The following VPS13C variants were observed in gnomAD, a reference collection of about 807,000 sequenced individuals.
VPS13C encodes the protein vacuolar protein sorting 13 homolog C.
In VPS13C, 358 loss-of-function variants were observed where a neutral mutation model predicts 456.8. The observed-to-expected ratio is 0.78, with a 90% CI of 0.72 to 0.86. The LOEUF (loss-of-function observed/expected upper bound fraction) is 0.86, where lower values mean the gene tolerates loss of function less well. Among genes scored for constraint, VPS13C ranks in the 40% least tolerant of loss-of-function variants. VPS13C has a pLI of 0.00. For missense variants in VPS13C, 4,818 were observed against 4,385.4 expected, an observed-to-expected ratio of 1.10 and a Z score of -2.79; for synonymous variants, 1,578 against 1,486.7, an observed-to-expected ratio of 1.06 and a Z score of -1.41.
chr15:62,041,125 T>C (rs1187563470), intron 3 of VPS13C, among the ~76,000 whole-genome samples, 199 bp downstream of exon 3: 2 of 152,170 alleles, frequency 1.3e-5, no homozygotes, highest in Non-Finnish European at 2.9e-5. Flanking sequence ...TTCCATTTTC[T>C]ACCTTTTGTC....
At chr15:61,875,612 T>C in intron 76 of VPS13C, 120 bp downstream of exon 76, 1 of 695,956 alleles carries the variant, frequency 1.4e-6, no homozygotes, top group Non-Finnish European at 2.4e-6. Context: ...TGATATACTT[T>C]TGTGATTTGA....
chr15:62,050,568 C>T (rs570704898), intron 1 of VPS13C, among the ~76,000 whole-genome samples: 10 of 152,226 alleles, frequency 6.6e-5, no homozygotes, highest in African/African-American at 2.4e-4. Context: ...GAGACCAAGG[C>T]GATTGGATCA....
intron 42 of VPS13C, among the ~76,000 whole-genome samples, chr15:61,948,225 C>T (rs140059936): frequency 6.2e-4 from 95 of 152,088 alleles, no homozygotes; most frequent in African/African-American, 2.0e-3. Flanking sequence ...TTCATTTATT[C>T]AACTGTGTTG....
chr15:62,004,680 A>T (rs2046769922), intron 15 of VPS13C, among the ~76,000 whole-genome samples: 1 of 150,468 alleles, frequency 6.6e-6, no homozygotes, highest in South Asian at 2.1e-4. Flanking sequence ...TTCCCTCTAC[A>T]CACTGCTTTG....
chr15:61,900,954 C>T (rs1043943800), intron 66 of VPS13C, among the ~76,000 whole-genome samples: 120 of 152,144 alleles, frequency 7.9e-4, no homozygotes, highest in African/African-American at 2.5e-3. Flanking sequence ...GAAATAACGC[C>T]GCATTTCTAC....
At chr15:61,885,636 G>A (rs964167190) in intron 67 of VPS13C, among the ~76,000 whole-genome samples, 2 of 152,120 alleles carry the variant, frequency 1.3e-5, no homozygotes, top group African/African-American at 4.8e-5. Flanking sequence ...AAGGTGGACT[G>A]AAATATTTTC....
rs1004650620 is a variant in VPS13C at position 61,936,806 on chromosome 15, A to G, written c.5602-56T>C. The G allele has an allele frequency of 1.6e-4, 232 of 1,479,612 alleles. 1 individual carries two copies. The Admixed American group carries it at 3.8e-3, about 24-fold the overall frequency. The allele number at this position is 1,479,612 out of a possible 1,614,324, so 91.7% of individuals were successfully genotyped here. ...AGTAATAAAAAAAATGTAGACTATC[A>G]TATCTATATCTCGATTTGTGGTTTT... On this transcript the variant is annotated intron_variant, in intron 47 of 84. Coordinates refer to ENST00000644861, the MANE Select transcript of VPS13C (RefSeq NM_020821.3).
intron 6 of VPS13C, among the ~76,000 whole-genome samples, chr15:62,025,915 CATA>C (rs1393817922): frequency 6.6e-6 from 1 of 151,238 alleles, no homozygotes; most frequent in Non-Finnish European, 1.5e-5. Context: ...TAGGCCATTA[CATA>C]ATAACATACA....
chr15:61,954,918 G>C (rs761218745), intron 37 of VPS13C, among the ~76,000 whole-genome samples: 1 of 152,144 alleles, frequency 6.6e-6, no homozygotes, highest in Non-Finnish European at 1.5e-5. Context: ...GACATTACTA[G>C]AAAGGAGCAA....
intron 50 of VPS13C, among the ~76,000 whole-genome samples, chr15:61,930,275 T>C (rs2044011934): frequency 6.6e-6 from 1 of 152,178 alleles, no homozygotes; most frequent in Non-Finnish European, 1.5e-5. Context: ...CGTCCTCCCA[T>C]GAACTGGAAA....
intron 16 of VPS13C, 44 bp downstream of exon 16, chr15:62,000,520 A>T: frequency 6.4e-7 from 1 of 1,559,038 alleles, no homozygotes; most frequent in Non-Finnish European, 8.8e-7. Flanking sequence ...AAAAGCGGGC[A>T]TTAACATGTT....
rs556092617 is a variant in VPS13C at position 61,950,271 on chromosome 15, G to C, written c.4596+87C>G. On this transcript the variant is annotated intron_variant, in intron 41 of 84. Transcript: ENST00000644861. ...TATTGCCACTGTTATTCTCACGTTA[G>C]AACTTACAATCTCACAGTTGAAAAT... is the stretch of plus-strand genomic sequence containing the variant. The C allele has an allele frequency of 1.5e-5, 14 of 951,140 alleles. No individual in the cohort carries two copies. In the East Asian group the frequency reaches 2.5e-4, roughly 17 times the overall value. 58.9% of individuals were successfully genotyped at this position (951,140 alleles called of 1,614,324 possible).
chr15:62,020,314 T>G (rs1009080464), intron 9 of VPS13C, among the ~76,000 whole-genome samples, 165 bp downstream of exon 9: 1 of 152,008 alleles, frequency 6.6e-6, no homozygotes, highest in African/African-American at 2.4e-5. Flanking sequence ...AATGTAATAA[T>G]AGCATCACTA....
chr15:61,959,619 T>C (rs765517492), intron 35 of VPS13C, 24 bp from the exon 36 acceptor site: 2 of 1,605,998 alleles, frequency 1.2e-6, no homozygotes, highest in East Asian at 4.5e-5. Context: ...AAATGTTACA[T>C]AATGCATAGA....
At position 62,012,111 on chromosome 15, in the gene VPS13C, T is replaced by C. The variant is rs1596474434; in HGVS notation, c.879A>G (p.Gln293=). The change falls in exon 12 of 85, where the codon CAA becomes CAG. Residue 293 remains glutamine, a synonymous_variant. Transcript: ENST00000644861. ...LTSGNIPPNY[Q]YIFQPISASA... is the part of the protein sequence containing the mutation. The stretch of plus-strand genomic sequence containing the variant: ...TAAACTTTTACTATTACTTACTGTA[T>C]TGATAATTTGGGGGTATATTTCCAC... The C allele has an allele frequency of 4.6e-6, 7 of 1,507,490 alleles. No homozygotes were observed. The East Asian group carries it at 1.4e-4, about 29-fold the overall frequency. The allele number at this position is 1,507,490 out of a possible 1,614,324, so 93.4% of individuals were successfully genotyped here. A position where few individuals can be genotyped will look rare whatever the true frequency, so the allele number is the denominator to read the frequency against.
At chr15:61,860,475 C>A (rs188833961) in intron 82 of VPS13C, among the ~76,000 whole-genome samples, 1 of 151,860 alleles carries the variant, frequency 6.6e-6, no homozygotes, top group East Asian at 1.9e-4. Flanking sequence ...ATTAGCAATC[C>A]CCCTTTTAAA....
Position 61,954,426 on chromosome 15 carries a change from T to C in VPS13C, c.4294A>G (p.Lys1432Glu). ...IINMLLNFEIKEVVVTLMKKS... is the reference protein window; with the variant it reads ...IINMLLNFEIEEVVVTLMKKS... ...AACAGATGAAAATTACACACCTCTT[T>C]AATTTCAAAATTCAGCAGCATATTA... The change falls in exon 38 of 85, where the codon AAA (lysine) becomes GAA (glutamate). Residue 1432 changes from lysine to glutamate, a missense_variant. Lys to Glu is a moderately conservative substitution (Grantham distance 56, BLOSUM62 1). Around this residue, in one of 3 missense-constraint regions of VPS13C, gnomAD observed 4,552 missense variants for 4,130.6 expected, o/e 1.10. Transcript: ENST00000644861. The C allele has an allele frequency of 6.2e-7, 1 of 1,604,006 alleles. No homozygotes were observed.
chr15:62,008,912 A>T (rs2046946942), intron 13 of VPS13C, 151 bp from the exon 14 acceptor site: 3 of 403,556 alleles, frequency 7.4e-6, no homozygotes, highest in Admixed American at 8.3e-5. Flanking sequence ...ATCAAATTTA[A>T]GATGCTATCA....
intron 28 of VPS13C, among the ~76,000 whole-genome samples, chr15:61,967,880 G>T (rs563656675): frequency 6.6e-6 from 1 of 151,960 alleles, no homozygotes; most frequent in African/African-American, 2.4e-5. Context: ...TATATCCTGA[G>T]GTAGATGTAC....
Sources: allele counts gnomAD v4.1 joint callset (sites outside exome capture counted in the v4.1 genomes callset), GRCh38; gene constraint gnomAD v4.1.1; regional missense constraint gnomAD v4.1.1; transcripts MANE v1.5; gene names NCBI Gene and HGNC (gene_info 2026-07-23, HGNC 2026-07-21).